Variants in MIAT observed in about 807,000 individuals in gnomAD.
MIAT encodes MI related novel mRNA.
At chr22:26,646,910 GAT>G in exon 1 of MIAT, 1 of 398,668 alleles carries the variant, frequency 2.5e-6, no homozygotes, top group Non-Finnish European at 4.4e-6. Flanking sequence ...GACAGGAACA[GAT>G]GTTCAGAGCA....
intron 2 of MIAT, among the ~76,000 whole-genome samples, chr22:26,661,427 A>G (rs999661773): frequency 1.3e-5 from 2 of 152,148 alleles, no homozygotes; most frequent in Non-Finnish European, 2.9e-5. Context: ...CAGATGAGTC[A>G]TGGAAGGGAG....
intron 2 of MIAT, among the ~76,000 whole-genome samples, chr22:26,651,838 G>A (rs960021333): frequency 3.9e-5 from 6 of 152,214 alleles, no homozygotes; most frequent in African/African-American, 7.2e-5. Context: ...GGAAGTAACC[G>A]CTTAAGGGTG....
chr22:26,664,194 T>C (rs1484529051), intron 3 of MIAT, among the ~76,000 whole-genome samples: 1 of 151,982 alleles, frequency 6.6e-6, no homozygotes, highest in Non-Finnish European at 1.5e-5. Flanking sequence ...ATATTTTTAG[T>C]AGAGATGGGG....
intron 2 of MIAT, among the ~76,000 whole-genome samples, chr22:26,647,693 G>C (rs1306221928): frequency 6.6e-6 from 1 of 152,140 alleles, no homozygotes; most frequent in African/African-American, 2.4e-5. Flanking sequence ...GAGGGGCTGC[G>C]AGCAGGGGAG....
At chr22:26,666,567 G>A in exon 4 of MIAT, 1 of 398,664 alleles carries the variant, frequency 2.5e-6, no homozygotes, top group Middle Eastern at 6.3e-4. Flanking sequence ...CCGTTCAGCT[G>A]CTATTCAGCT....
At chr22:26,672,246 G>T, downstream of MIAT, 1 of 399,122 alleles carries the variant, frequency 2.5e-6, no homozygotes, top group Non-Finnish European at 4.4e-6. Flanking sequence ...CCGAGCTCTG[G>T]GCTCCCCCCG....
chr22:26,676,330 G>C (rs1445132267), exon 5 of MIAT: 11 of 398,524 alleles, frequency 2.8e-5, no homozygotes, highest in Non-Finnish European at 4.9e-5. Context: ...TACCGAATGT[G>C]TGGGTAGAAA....
chr22:26,671,189 G>C, downstream of MIAT: 1 of 398,662 alleles, frequency 2.5e-6, no homozygotes, highest in Non-Finnish European at 4.4e-6. Context: ...TCCATTTTCA[G>C]GGGAGCTGAA....
chr22:26,657,357 A>C, intron 2 of MIAT: 1 of 386,272 alleles, frequency 2.6e-6, no homozygotes, highest in Non-Finnish European at 4.5e-6. Context: ...GGGCGCGGGT[A>C]AGGAGGGGTT....
At chr22:26,648,767 T>C (rs1435608471) in intron 2 of MIAT, among the ~76,000 whole-genome samples, 1 of 152,148 alleles carries the variant, frequency 6.6e-6, no homozygotes, top group Non-Finnish European at 1.5e-5. Flanking sequence ...GGACTGGACT[T>C]GATATGTGTG....
At chr22:26,667,844 T>G (rs1275077855) in intron 5 of MIAT, 1 of 199,964 alleles carries the variant, frequency 5.0e-6, no homozygotes, top group Non-Finnish European at 1.0e-5. Context: ...ATGCCTGGCT[T>G]ATTTTTTGTA....
chr22:26,672,340 T>C, downstream of MIAT: 1 of 399,214 alleles, frequency 2.5e-6, no homozygotes. Context: ...CTGCCCCATA[T>C]TGGCTGTAAG....
chr22:26,669,940 C>A (rs1043531457), downstream of MIAT: 19 of 398,606 alleles, frequency 4.8e-5, no homozygotes, highest in Admixed American at 8.8e-5. Flanking sequence ...AATGTGCTTG[C>A]CTGTCAGGTG....
chr22:26,665,112 A>C (rs971899401), intron 3 of MIAT, among the ~76,000 whole-genome samples: 2 of 152,036 alleles, frequency 1.3e-5, no homozygotes, highest in African/African-American at 4.8e-5. Flanking sequence ...GTGGTGGCAC[A>C]CATCTGTAAT....
chr22:26,673,288 TG>T, downstream of MIAT: 1 of 398,774 alleles, frequency 2.5e-6, no homozygotes, highest in Non-Finnish European at 4.4e-6. Context: ...GGGCCACACC[TG>T]GGGGTGATTT....
At chr22:26,658,800 G>A (rs1308531421) in intron 2 of MIAT, among the ~76,000 whole-genome samples, 1 of 152,168 alleles carries the variant, frequency 6.6e-6, no homozygotes, top group Non-Finnish European at 1.5e-5. Flanking sequence ...AGTATGAGAG[G>A]GAGGACTGCG....
At chr22:26,675,343 G>C in exon 5 of MIAT, 3 of 398,758 alleles carry the variant, frequency 7.5e-6, no homozygotes, top group Non-Finnish European at 1.3e-5. Context: ...ATGGTGCCGG[G>C]TCTGGTTGCC....
At chr22:26,666,073 G>T in exon 4 of MIAT, 1 of 398,614 alleles carries the variant, frequency 2.5e-6, no homozygotes, top group Non-Finnish European at 4.4e-6. Flanking sequence ...TTTTCTCAGT[G>T]TAAGTGTCTG....
At chr22:26,663,535 T>C in intron 3 of MIAT, 1 of 393,248 alleles carries the variant, frequency 2.5e-6, no homozygotes, top group Non-Finnish European at 4.5e-6. Flanking sequence ...GATGACCCTC[T>C]GGGTTCCAGT....
Sources: allele counts gnomAD v4.1 joint callset (sites outside exome capture counted in the v4.1 genomes callset), GRCh38; gene constraint gnomAD v4.1.1; transcripts MANE v1.5; gene names NCBI Gene and HGNC (gene_info 2026-07-23, HGNC 2026-07-21).